Variants in AXIN1 observed in about 807,000 individuals in gnomAD.
The protein encoded by AXIN1 is axin-1.
AXIN1 carries 30 observed loss-of-function variants against 76.4 expected under a neutral mutation model. That is an observed-to-expected ratio of 0.39 (90% CI 0.29 to 0.53). The LOEUF is 0.53. Among genes scored for constraint, AXIN1 ranks in the 20% least tolerant of loss-of-function variants. The pLI, the probability that AXIN1 is intolerant of heterozygous loss-of-function variation, is 0.66. For missense variants in AXIN1, 1,140 were observed against 1,198.8 expected (o/e 0.95, Z 0.72); for synonymous variants, 545 against 501.4 (o/e 1.09, Z -1.16).
rs1567261649 is a variant in AXIN1 at position 293,755 on chromosome 16, A to T, written c.1956-37T>A. 4 of 1,595,602 alleles carry T rather than the reference A, an allele frequency of 2.5e-6. No homozygotes were observed. Among genetic ancestry groups the T allele is most frequent in the Non-Finnish European group, 3.4e-6 (4 of 1,166,126 alleles). On this transcript the variant is annotated intron_variant, in intron 7 of 10. Coordinates refer to ENST00000262320, the MANE Select transcript of AXIN1 (RefSeq NM_003502.4). This position sits in a 1 kb window ranked among gnomAD's most constrained non-coding sequence, Gnocchi z 4.6. ...AGAGAACAAGTTGTGACTGTGGCCG[A>T]CACCCTGGCCAGGTGGCCTGGTGGG...
At chr16:290,900 GC>G in intron 9 of AXIN1, 1 of 507,102 alleles carries the variant, frequency 2.0e-6, no homozygotes, top group East Asian at 3.5e-5. Context: ...CCCACAGGAA[GC>G]CTGGCCGTGA....
chr16:320,087 G>A (rs907079664), intron 2 of AXIN1, among the ~76,000 whole-genome samples: 7 of 152,096 alleles, frequency 4.6e-5, no homozygotes, highest in Admixed American at 3.9e-4. Flanking sequence ...CCTCAGAACC[G>A]ACAGCCCCCC....
chr16:288,451 G>A (rs918111572), intron 10 of AXIN1: 2 of 754,350 alleles, frequency 2.7e-6, no homozygotes, highest in Non-Finnish European at 4.4e-6. Context: ...AGCCATGGGG[G>A]GTGAGTTCAC....
rs2052738865 is a variant in AXIN1 at position 297,305 on chromosome 16, C to T, written c.1785-79G>A. 5 of 1,578,694 alleles carry T rather than the reference C, an allele frequency of 3.2e-6. No individual in the cohort carries two copies. The East Asian group carries it at 1.1e-4, about 35-fold the overall frequency. The stretch of plus-strand genomic sequence containing the variant: ...CCCTTCCTCGTCTGCGAGGCCCCCT[C>T]CTGGCATCTGTAAGGCTCCCGTGGT... On this transcript the variant is annotated intron_variant, in intron 6 of 10. Transcript: ENST00000262320.
At chr16:307,003 C>T (rs2053045002) in intron 4 of AXIN1, among the ~76,000 whole-genome samples, 1 of 152,224 alleles carries the variant, frequency 6.6e-6, no homozygotes, top group Non-Finnish European at 1.5e-5. Flanking sequence ...GGCTGGGGGG[C>T]CATGCTGGCT....
chr16:294,887 C>T (rs1040721651), intron 7 of AXIN1, among the ~76,000 whole-genome samples: 1 of 151,206 alleles, frequency 6.6e-6, no homozygotes, highest in Non-Finnish European at 1.5e-5. Context: ...ACGGTGAAAC[C>T]CCACCTCTAC....
chr16:347,705 C>T (rs1440818289), intron 1 of AXIN1, among the ~76,000 whole-genome samples: 1 of 152,218 alleles, frequency 6.6e-6, no homozygotes, highest in Non-Finnish European at 1.5e-5. Flanking sequence ...TGAGAACACA[C>T]TGCAGGGTGT....
Position 291,171 on chromosome 16 carries a change from A to C in AXIN1, c.2294+19T>G. On this transcript the variant is annotated intron_variant, in intron 9 of 10. Coordinates refer to ENST00000262320, the MANE Select transcript of AXIN1 (RefSeq NM_003502.4). ...GGCTGGGGTGGGCAGGACCGGGAGGACCCTCAGGACGCACGTACTCTGTCT... is the reference window on the plus strand; with the variant it reads ...GGCTGGGGTGGGCAGGACCGGGAGGCCCCTCAGGACGCACGTACTCTGTCT... The C allele has an allele frequency of 1.3e-6, 2 of 1,563,466 alleles. No homozygotes were observed. Among genetic ancestry groups the C allele is most frequent in the Non-Finnish European group, 1.7e-6 (2 of 1,153,584 alleles).
In AXIN1 at chr16:328,111, G is replaced by T. The variant is rs539591290; in HGVS notation, c.879-13428C>A. Among the ~76,000 whole-genome samples the T allele has an allele frequency of 1.5e-4, 23 of 152,318 alleles. No homozygotes were observed. In the South Asian group the frequency reaches 4.1e-3, roughly 27 times the overall value. On this transcript the variant is annotated intron_variant, in intron 2 of 10. Coordinates refer to ENST00000262320, the MANE Select transcript of AXIN1 (RefSeq NM_003502.4). ...AAAATGTTGCAAAAATTAGCCAAGGGCTGGGCGGGGTAGCTCACACCTGTA... is the reference window on the plus strand; with the variant it reads ...AAAATGTTGCAAAAATTAGCCAAGGTCTGGGCGGGGTAGCTCACACCTGTA...
chr16:297,033 C>T (rs751312096), intron 7 of AXIN1, 23 bp downstream of exon 7: 6 of 1,607,794 alleles, frequency 3.7e-6, no homozygotes, highest in Admixed American at 1.7e-5. Context: ...CCCCACGAGG[C>T]TGGCTGCGTG....
Position 304,350 on chromosome 16 carries a change from C to T in AXIN1, c.1208G>A (p.Arg403Gln), listed in dbSNP as rs764120241. The change falls in exon 5 of 11, where the codon CGG becomes CAG. Residue 403 changes from arginine to glutamine, a missense_variant. Physicochemically the swap from Arg to Gln is conservative, Grantham distance 43. This residue lies in a region of AXIN1 where 708 missense variants were observed against 776.9 expected (regional missense o/e 0.91). Coordinates refer to ENST00000262320, the MANE Select transcript of AXIN1 (RefSeq NM_003502.4). The part of the protein sequence containing the change: ...IHRLEAVQRT[R>Q]EAEEKLEERL... ...CTCCTCCAGCTTCTCCTCGGCCTCCCGCGTGCGCTGCACAGCCTCCAGGCG... is the reference window on the plus strand; with the variant it reads ...CTCCTCCAGCTTCTCCTCGGCCTCCTGCGTGCGCTGCACAGCCTCCAGGCG... 12 of 1,612,582 alleles carry T rather than the reference C, an allele frequency of 7.4e-6. No homozygotes were observed. The East Asian group carries it at 8.9e-5, about 12-fold the overall frequency.
chr16:307,832 C>T (rs1424114807), intron 4 of AXIN1, among the ~76,000 whole-genome samples: 1 of 152,240 alleles, frequency 6.6e-6, no homozygotes, highest in East Asian at 1.9e-4. Flanking sequence ...AGCTTATCGG[C>T]TTCCTGGGCC....
At chr16:308,430 A>T (rs1046069793) in intron 4 of AXIN1, among the ~76,000 whole-genome samples, 8 of 152,068 alleles carry the variant, frequency 5.3e-5, no homozygotes, top group African/African-American at 1.9e-4. Flanking sequence ...CACTTTCTAC[A>T]CACGAAGACT....
At chr16:313,969 T>C (rs1209594456) in intron 3 of AXIN1, among the ~76,000 whole-genome samples, 3 of 152,120 alleles carry the variant, frequency 2.0e-5, no homozygotes, top group African/African-American at 7.2e-5. Flanking sequence ...GCCAAGTGGG[T>C]GACAGGGACA....
At chr16:320,254 C>G (rs190414728) in intron 2 of AXIN1, among the ~76,000 whole-genome samples, 4 of 152,266 alleles carry the variant, frequency 2.6e-5, no homozygotes, top group Non-Finnish European at 5.9e-5. Context: ...CTATGTCACC[C>G]AGGCTGGTCT....
chr16:351,967 G>A (rs1199534890), intron 1 of AXIN1, among the ~76,000 whole-genome samples: 1 of 152,186 alleles, frequency 6.6e-6, no homozygotes, highest in African/African-American at 2.4e-5. Context: ...TCAACCTGGA[G>A]GGTACGGACG....
Position 346,601 on chromosome 16 carries a change from C to T in AXIN1, c.425G>A (p.Arg142Lys). 6.2e-7 allele frequency: 1 copy of T among 1,605,318 alleles called. No individual in the cohort carries two copies. The highest frequency in any genetic ancestry group is 8.5e-7 in the Non-Finnish European group (1 of 1,174,206). Residue 142 changes from arginine to lysine, a missense_variant, in exon 2 of 11, where the codon AGA becomes AAA. Arg to Lys is a conservative substitution (Grantham distance 26, BLOSUM62 2). Transcript: ENST00000262320. Reference sequence around the variant, plus strand: ...AAGAATGTACTTTCGGTAGATGGCTCTCGCCAGCTTCAGCCTCTTCTCCTC... The same window carrying T: ...AAGAATGTACTTTCGGTAGATGGCTTTCGCCAGCTTCAGCCTCTTCTCCTC... ...SNEEKRLKLA[R>K]AIYRKYILDN... is the part of the protein sequence containing the mutation.
At chr16:305,835 C>T (rs1178066694) in intron 4 of AXIN1, among the ~76,000 whole-genome samples, 1 of 151,990 alleles carries the variant, frequency 6.6e-6, no homozygotes, top group Non-Finnish European at 1.5e-5. Context: ...TGAGCCACTG[C>T]ACCCGGCCCC....
chr16:349,491 C>T (rs375458173), intron 1 of AXIN1, among the ~76,000 whole-genome samples: 1 of 152,214 alleles, frequency 6.6e-6, no homozygotes, highest in East Asian at 1.9e-4. Flanking sequence ...CATTCACTAG[C>T]TTGAAGAACC....
Sources: gnomAD v4.1 joint callset for allele counts (sites outside exome capture counted in the v4.1 genomes callset) on GRCh38, gnomAD v4.1.1 for gene constraint, gnomAD v4.1.1 regional missense constraint, Gnocchi (gnomAD v3.1) non-coding constraint, MANE v1.5 for transcripts, NCBI Gene and HGNC (gene_info 2026-07-23, HGNC 2026-07-21) for gene names.